LRRTM4: variants seen among roughly 807,000 people sequenced by gnomAD.
LRRTM4 encodes the protein leucine-rich repeat transmembrane neuronal protein 4.
LRRTM4 carries 25 observed loss-of-function variants against 47.6 expected under a neutral mutation model. The ratio of observed to expected loss-of-function variants is 0.53; its 90% CI spans 0.38 to 0.73. The LOEUF (loss-of-function observed/expected upper bound fraction) is 0.73, where lower values mean the gene tolerates loss of function less well. Among genes scored for constraint, LRRTM4 ranks in the 30% least tolerant of loss-of-function variants. The probability of loss-of-function intolerance (pLI) is 0.00; values close to 1 mark genes in which losing one functional copy is unlikely to be tolerated. For synonymous variants in LRRTM4, 311 were observed against 269.5 expected (o/e 1.15, Z -1.51); for missense variants, 638 against 713.4 (o/e 0.89, Z 1.20).
chr2:77,245,203 G>T (rs1469755183), intron 3 of LRRTM4, among the ~76,000 whole-genome samples: 1 of 105,302 alleles, frequency 9.5e-6, no homozygotes, highest in Non-Finnish European at 2.0e-5. Flanking sequence ...GAAACAGATA[G>T]AAATAATACT....
At chr2:76,875,387 T>C (rs539017062) in intron 3 of LRRTM4, among the ~76,000 whole-genome samples, 2 of 152,288 alleles carry the variant, frequency 1.3e-5, no homozygotes, top group East Asian at 3.9e-4. Flanking sequence ...ACTCATCATA[T>C]TGCTTTTACA....
At chr2:77,126,226 G>T (rs936591483) in intron 3 of LRRTM4, among the ~76,000 whole-genome samples, 1 of 151,782 alleles carries the variant, frequency 6.6e-6, no homozygotes, top group Non-Finnish European at 1.5e-5. Flanking sequence ...AAAACTTGAT[G>T]ACATAGTCCA....
intron 3 of LRRTM4, among the ~76,000 whole-genome samples, chr2:77,250,350 A>G (rs371215659): frequency 1.6e-4 from 25 of 152,304 alleles, no homozygotes; most frequent in Admixed American, 7.2e-4. Flanking sequence ...TGTCCGTTGT[A>G]ACAAATATAC....
chr2:77,071,981 TCTTA>T (rs1680169707), intron 3 of LRRTM4, among the ~76,000 whole-genome samples: 1 of 152,190 alleles, frequency 6.6e-6, no homozygotes, highest in African/African-American at 2.4e-5. Context: ...GGTAAGACTC[TCTTA>T]TTTTAGTTTG....
chr2:77,506,659 AT>A (rs1678788566), intron 3 of LRRTM4, among the ~76,000 whole-genome samples: 1 of 151,914 alleles, frequency 6.6e-6, no homozygotes, highest in Non-Finnish European at 1.5e-5. Flanking sequence ...AAAGTTATAT[AT>A]TTTTGAGAGA....
chr2:76,761,961 G>A (rs987274379), intron 3 of LRRTM4, among the ~76,000 whole-genome samples: 9 of 152,174 alleles, frequency 5.9e-5, no homozygotes, highest in Middle Eastern at 6.8e-3. Context: ...CATGAAATTC[G>A]CCATTTGTTG....
At chr2:77,505,709 T>C (rs763446779) in intron 3 of LRRTM4, among the ~76,000 whole-genome samples, 18 of 151,626 alleles carry the variant, frequency 1.2e-4, no homozygotes, top group Non-Finnish European at 2.7e-4. Context: ...ATAATCAAAA[T>C]ATTGATGCCT....
chr2:77,045,580 T>C (rs781279835), intron 3 of LRRTM4, among the ~76,000 whole-genome samples: 1 of 151,904 alleles, frequency 6.6e-6, no homozygotes, highest in African/African-American at 2.4e-5. Context: ...GTGTTTCCTG[T>C]GCTACTCTCC....
At chr2:76,975,846 ATAAT>A (rs201879377) in intron 3 of LRRTM4, among the ~76,000 whole-genome samples, 2,699 of 151,914 alleles carry the variant, frequency 0.018, 65 homozygotes, top group African/African-American at 0.057. Flanking sequence ...AACTAATCAA[ATAAT>A]TAAGTAATTT....
At chr2:77,041,131 T>C (rs1221310253) in intron 3 of LRRTM4, among the ~76,000 whole-genome samples, 6 of 151,572 alleles carry the variant, frequency 4.0e-5, no homozygotes, top group Non-Finnish European at 7.4e-5. Context: ...CTACTTCTGT[T>C]AGATCAACTT....
chr2:77,055,071 A>C (rs1384404256), intron 3 of LRRTM4, among the ~76,000 whole-genome samples: 1 of 152,126 alleles, frequency 6.6e-6, no homozygotes, highest in East Asian at 1.9e-4. Context: ...CCAAGGAGGT[A>C]ACAGTGCCAG....
chr2:76,912,220 A>G (rs751534007), intron 3 of LRRTM4, among the ~76,000 whole-genome samples: 1 of 152,132 alleles, frequency 6.6e-6, no homozygotes, highest in Non-Finnish European at 1.5e-5. Context: ...CCCCTGGCCG[A>G]TATGTGCTTT....
chr2:77,312,268 A>G (rs1180617018), intron 3 of LRRTM4, among the ~76,000 whole-genome samples: 1 of 140,876 alleles, frequency 7.1e-6, no homozygotes, highest in Non-Finnish European at 1.5e-5. Context: ...ATGATACACA[A>G]CTGACTCTTT....
At chr2:77,333,357 G>A (rs2104256406) in intron 3 of LRRTM4, among the ~76,000 whole-genome samples, 1 of 152,290 alleles carries the variant, frequency 6.6e-6, no homozygotes, top group African/African-American at 2.4e-5. Context: ...GTGAAAGTTT[G>A]GAATTCCCTA....
chr2:76,985,869 G>C (rs1157066976), intron 3 of LRRTM4: 1 of 151,854 alleles, frequency 6.6e-6, no homozygotes, highest in Non-Finnish European at 1.5e-5. Context: ...TGAGCAGGAA[G>C]AATGAATTTG....
chr2:76,816,426 A>G (rs1670897073), intron 3 of LRRTM4, among the ~76,000 whole-genome samples: 1 of 152,126 alleles, frequency 6.6e-6, no homozygotes, highest in South Asian at 2.1e-4. Context: ...AACTGAAAGT[A>G]GAAGAAGAAA....
intron 3 of LRRTM4, among the ~76,000 whole-genome samples, chr2:76,836,362 T>C (rs1671512737): frequency 1.3e-5 from 2 of 151,980 alleles, no homozygotes; most frequent in Non-Finnish European, 2.9e-5. Flanking sequence ...TTGTATTTGC[T>C]CAACACATAT....
chr2:77,096,882 A>G (rs1016076492), intron 3 of LRRTM4, among the ~76,000 whole-genome samples: 4 of 151,882 alleles, frequency 2.6e-5, no homozygotes, highest in Non-Finnish European at 4.4e-5. Context: ...TCAGCTATCA[A>G]CTTAAGGTAA....
chr2:76,866,361 T>C (rs552850737), intron 3 of LRRTM4, among the ~76,000 whole-genome samples: 3 of 152,318 alleles, frequency 2.0e-5, no homozygotes, highest in Admixed American at 6.5e-5. Flanking sequence ...ATCTTGAACA[T>C]TTTCCTCAGG....
Sources: gnomAD v4.1 joint callset for allele counts (sites outside exome capture counted in the v4.1 genomes callset) on GRCh38, gnomAD v4.1.1 for gene constraint, MANE v1.5 for transcripts, NCBI Gene and HGNC (gene_info 2026-07-23, HGNC 2026-07-21) for gene names.